The following SASH1 variants were observed in gnomAD, a reference collection of about 807,000 sequenced individuals.
SASH1 encodes the protein SAM and SH3 domain containing 1.
In SASH1, 44 loss-of-function variants were observed where a neutral mutation model predicts 125.2. The ratio of observed to expected loss-of-function variants is 0.35; its 90% CI spans 0.28 to 0.45. The LOEUF is 0.45. Ranked by LOEUF, SASH1 falls within the 20% of genes least tolerant of loss-of-function variation. The pLI is 1.00. For synonymous variants in SASH1, 639 were observed against 649.1 expected (o/e 0.98, Z 0.24); for missense variants, 1,426 against 1,614.5 (o/e 0.88, Z 2.00).
intron 4 of SASH1, among the ~76,000 whole-genome samples, chr6:148,451,970 A>G (rs1034212906): frequency 2.0e-5 from 3 of 151,802 alleles, no homozygotes; most frequent in Non-Finnish European, 2.9e-5. Flanking sequence ...TGTGTATGGG[A>G]GTGAGGATGT....
chr6:148,445,526 A>T (rs1161654216), intron 4 of SASH1, among the ~76,000 whole-genome samples: 1 of 152,226 alleles, frequency 6.6e-6, no homozygotes, highest in Non-Finnish European at 1.5e-5. Flanking sequence ...AAAACCTGAC[A>T]AATAGTGATT....
intron 2 of SASH1, among the ~76,000 whole-genome samples, chr6:148,406,680 G>A (rs957125359): frequency 2.0e-5 from 3 of 152,142 alleles, no homozygotes; most frequent in African/African-American, 7.2e-5. Flanking sequence ...GAGAGAATCA[G>A]GCTTTCCAAG....
chr6:148,540,488 G>A lies in SASH1; in HGVS notation c.2141G>A (p.Ser714Asn). Residue 714 changes from serine (S) to asparagine (N), a missense_variant, in exon 17 of 20, where the codon AGC (serine) becomes AAC (asparagine). Coordinates refer to ENST00000367467, the MANE Select transcript of SASH1 (RefSeq NM_015278.5). ...SGSQEKLLVD[S>N]QGLSGCSPRD... ...TCCCAGGAGAAGCTGCTCGTTGACAGCCAGGGCCTGAGTGGATGCTCACCC... is the reference window on the plus strand; with the variant it reads ...TCCCAGGAGAAGCTGCTCGTTGACAACCAGGGCCTGAGTGGATGCTCACCC... The A allele has an allele frequency of 6.2e-7, 1 of 1,614,044 alleles. No homozygotes were observed. Among genetic ancestry groups the A allele is most frequent in the Non-Finnish European group, 8.5e-7 (1 of 1,179,990 alleles).
chr6:148,464,407 C>G (rs1263640790), intron 4 of SASH1, among the ~76,000 whole-genome samples: 2 of 152,112 alleles, frequency 1.3e-5, no homozygotes, highest in African/African-American at 4.8e-5. Context: ...CTGAAGTTAC[C>G]ATACTTTTTA....
At chr6:148,341,319 TTTTTTTTTTTG>T (rs1389007052), upstream of SASH1, among the ~76,000 whole-genome samples, 21 of 146,548 alleles carry the variant, frequency 1.4e-4, no homozygotes, top group African/African-American at 3.9e-4. Flanking sequence ...TATGTTTTGT[TTTTTTTTTTTG>T]TTTTTTTTTT....
In SASH1 at chr6:148,532,166, C is replaced by T. The variant is rs1035025719; in HGVS notation, c.1564+505C>T. Among the ~76,000 whole-genome samples, 20 of 152,028 alleles carry T rather than the reference C, an allele frequency of 1.3e-4. No individual in the cohort carries two copies. Among genetic ancestry groups the T allele is most frequent in the African/African-American group, 4.6e-4 (19 of 41,398 alleles). On this transcript the variant is annotated intron_variant, in intron 13 of 19. Coordinates refer to ENST00000367467, the MANE Select transcript of SASH1 (RefSeq NM_015278.5). The surrounding 1 kb of genome is among the most constrained non-coding windows in gnomAD (Gnocchi z 4.7). ...GATCTCAGCTCACTGCAACCTTCAC[C>T]TCCCTGGCTCAAGGGATCCTCCTGC... is the stretch of plus-strand genomic sequence containing the variant.
chr6:148,421,165 G>GAAAGAAAGAAAGAAAA (rs1785065241), intron 2 of SASH1, among the ~76,000 whole-genome samples: 1 of 116,740 alleles, frequency 8.6e-6, no homozygotes, highest in African/African-American at 3.2e-5. Context: ...AAGAAAGAAA[G>GAAAGAAAGAAAGAAAA]AAAGAAAGAA....
intron 2 of SASH1, among the ~76,000 whole-genome samples, 154 bp from the exon 3 acceptor site, chr6:148,440,030 G>C (rs1310547528): frequency 6.6e-6 from 1 of 152,038 alleles, no homozygotes; most frequent in Non-Finnish European, 1.5e-5. Flanking sequence ...AAGTATTTTA[G>C]TTTTCCCAGA....
At chr6:148,383,942 G>T (rs1783258134) in intron 1 of SASH1, among the ~76,000 whole-genome samples, 1 of 152,148 alleles carries the variant, frequency 6.6e-6, no homozygotes, top group Admixed American at 6.5e-5. Context: ...TGAAAGACGG[G>T]TGTTTGGGAC....
At chr6:148,213,434 A>G in the SASH1 span, among the ~76,000 whole-genome samples, 1 of 151,974 alleles carries the variant, frequency 6.6e-6, no homozygotes, top group Non-Finnish European at 1.5e-5. Flanking sequence ...AGTCAAGATT[A>G]TTTCAATTAA....
chr6:148,471,417 G>C lies in SASH1; in HGVS notation c.428G>C (p.Gly143Ala). ...HKSNSEDSSV[G>A]KGDWKKKNKY... ...TTTTTTTTTTTTTTTTTTTTTTAAG[G>C]AAAAGGAGACTGGAAGAAGAAAAAT... is the stretch of plus-strand genomic sequence containing the variant. Residue 143 changes from glycine to alanine, a missense_variant and splice_region_variant, in exon 6 of 20, where the codon GGA becomes GCA. Coordinates refer to ENST00000367467, the MANE Select transcript of SASH1 (RefSeq NM_015278.5). 1 of 830,958 alleles carries C rather than the reference G, an allele frequency of 1.2e-6. No homozygotes were observed. Among genetic ancestry groups the C allele is most frequent in the Non-Finnish European group, 1.8e-6 (1 of 545,244 alleles). The allele number at this position is 830,958 out of a possible 1,614,324, so 51.5% of individuals were successfully genotyped here. A position where few individuals can be genotyped will look rare whatever the true frequency, so the allele number is the denominator to read the frequency against.
chr6:148,534,387 C>T (rs903387118), intron 15 of SASH1, among the ~76,000 whole-genome samples: 2 of 152,180 alleles, frequency 1.3e-5, no homozygotes, highest in Non-Finnish European at 2.9e-5. Context: ...AACTCTTGAT[C>T]CTGAGGACTT....
the SASH1 span, among the ~76,000 whole-genome samples, chr6:148,201,211 A>G: frequency 6.6e-6 from 1 of 152,254 alleles, no homozygotes. Context: ...CATAATAATT[A>G]ACATGTATGG....
the SASH1 span, among the ~76,000 whole-genome samples, chr6:148,242,004 A>AT: frequency 6.6e-6 from 1 of 152,206 alleles, no homozygotes; most frequent in Non-Finnish European, 1.5e-5. Context: ...TCTTCTTATG[A>AT]TTTCATATCT....
intron 1 of SASH1, among the ~76,000 whole-genome samples, chr6:148,344,463 G>A (rs1180142628): frequency 6.6e-6 from 1 of 152,112 alleles, no homozygotes; most frequent in African/African-American, 2.4e-5. Flanking sequence ...ATTTTCAGGT[G>A]ACCATTGGTA....
chr6:148,343,005 C>T lies in SASH1; in HGVS notation c.-63C>T. The T allele has an allele frequency of 9.1e-7, 1 of 1,102,844 alleles. No homozygotes were observed. The highest frequency in any genetic ancestry group is 4.3e-5 in the South Asian group (1 of 23,206). 68.3% of individuals were successfully genotyped at this position (1,102,844 alleles called of 1,614,324 possible). ...GGACCCGGCATCCGGGCAGGCTGCG[C>T]GCGGGTGCGGGGCGAGGGCGCCGCG... On this transcript the variant is annotated 5_prime_UTR_variant, in exon 1 of 20. Transcript: ENST00000367467.
chr6:148,406,268 G>C (rs994967871), intron 2 of SASH1, among the ~76,000 whole-genome samples: 4 of 152,124 alleles, frequency 2.6e-5, no homozygotes, highest in African/African-American at 9.7e-5. Flanking sequence ...GAATACCTCT[G>C]AAGGACTTCA....
intron 7 of SASH1, among the ~76,000 whole-genome samples, chr6:148,484,840 G>T (rs1039811268): frequency 6.6e-6 from 1 of 152,118 alleles, no homozygotes; most frequent in Non-Finnish European, 1.5e-5. Context: ...CTACTCGGGA[G>T]GCTGAGATGG....
chr6:148,438,165 A>T (rs1307516791), intron 2 of SASH1, among the ~76,000 whole-genome samples: 1 of 152,188 alleles, frequency 6.6e-6, no homozygotes, highest in Non-Finnish European at 1.5e-5. Context: ...AGACAAACTA[A>T]CAGTTTAGTT....
Sources: allele counts gnomAD v4.1 joint callset (sites outside exome capture counted in the v4.1 genomes callset), GRCh38; gene constraint gnomAD v4.1.1; non-coding constraint Gnocchi (gnomAD v3.1); transcripts MANE v1.5; gene names NCBI Gene and HGNC (gene_info 2026-07-23, HGNC 2026-07-21).